Variants in ZZEF1 observed in about 807,000 individuals in gnomAD.
ZZEF1 encodes the protein zinc finger ZZ-type and EF-hand domain-containing protein 1.
ZZEF1 carries 157 observed loss-of-function variants against 342.8 expected under a neutral mutation model. That is an observed-to-expected ratio of 0.46 (90% CI 0.40 to 0.52). The LOEUF is 0.52. ZZEF1 is among the 20% of genes least tolerant of loss of function. The pLI, the probability that ZZEF1 is intolerant of heterozygous loss-of-function variation, is 0.00. For synonymous variants in ZZEF1, 1,505 were observed against 1,429.1 expected, an observed-to-expected ratio of 1.05 and a Z score of -1.20; for missense variants, 3,480 against 3,725.6, an observed-to-expected ratio of 0.93 and a Z score of 1.72.
chr17:4,064,614 G>A lies in ZZEF1; in HGVS notation c.4465C>T (p.Pro1489Ser), dbSNP rs771594817. The change falls in exon 29 of 55, where the codon CCT becomes TCT. Residue 1489 changes from proline (P) to serine (S), a missense_variant. Coordinates refer to ENST00000381638, the MANE Select transcript of ZZEF1 (RefSeq NM_015113.4). ...AGCTTTGGCTGGGTGCCCAGGCCAGGACTCTGGTCTCCTGTGGCAGGGGGT... is the reference window on the plus strand; with the variant it reads ...AGCTTTGGCTGGGTGCCCAGGCCAGAACTCTGGTCTCCTGTGGCAGGGGGT... The part of the protein sequence containing the change: ...AAPPATGDQS[P>S]GLGTQPKLPS... 1 of 1,614,162 alleles carries A rather than the reference G, an allele frequency of 6.2e-7. No homozygotes were observed. Among genetic ancestry groups the A allele is most frequent in the Non-Finnish European group, 8.5e-7 (1 of 1,180,030 alleles).
At chr17:4,052,176 G>C in intron 34 of ZZEF1, 40 bp from the exon 35 acceptor site, 1 of 1,560,096 alleles carries the variant, frequency 6.4e-7, no homozygotes, top group Non-Finnish European at 8.7e-7. Flanking sequence ...TGAGGTAGAG[G>C]GCTCCTAGAT....
chr17:4,015,728 C>T (rs2056082724), intron 49 of ZZEF1, among the ~76,000 whole-genome samples: 1 of 152,182 alleles, frequency 6.6e-6, no homozygotes, highest in South Asian at 2.1e-4. Flanking sequence ...CACACCACTG[C>T]ACTGCAGCCT....
At chr17:4,082,111 G>A (rs2057734724) in intron 17 of ZZEF1, among the ~76,000 whole-genome samples, 1 of 152,148 alleles carries the variant, frequency 6.6e-6, no homozygotes, top group South Asian at 2.1e-4. Flanking sequence ...CTGGGCTTCT[G>A]TAGCTGGTTT....
rs1168846552 is a variant in ZZEF1, at chr17:4,112,781, A to G, written c.894T>C (p.Leu298=). The change falls in exon 5 of 55, where the codon CTT becomes CTC. Residue 298 remains leucine (L), a synonymous_variant. Coordinates refer to ENST00000381638, the MANE Select transcript of ZZEF1 (RefSeq NM_015113.4). ...IRLKMKPDVV[L]RHLSIAVAAT... is the part of the protein sequence containing the mutation. ...CAGCCACTGCAATGGACAGGTGCCTAAGCACAACATCTGGCTTCATTTTTA... is the reference window on the plus strand; with the variant it reads ...CAGCCACTGCAATGGACAGGTGCCTGAGCACAACATCTGGCTTCATTTTTA... 2 of 1,590,336 alleles carry G rather than the reference A, an allele frequency of 1.3e-6. No homozygotes were observed. The highest frequency in any genetic ancestry group is 2.7e-5 in the African/African-American group (2 of 74,144).
At position 4,070,844 on chromosome 17, in the gene ZZEF1, C is replaced by G; in HGVS notation, c.3915G>C (p.Gly1305=). ...ATCCTTTGAAAAGTTCTGAATATGG[C>G]CCACAGAAGTTCTGAGCAGGCTCTG... ...AQSEPAQNFC[G]PYSELFKGFI... Residue 1305 remains glycine (G), a synonymous_variant, in exon 26 of 55, where the codon GGG becomes GGC. Coordinates refer to ENST00000381638, the MANE Select transcript of ZZEF1 (RefSeq NM_015113.4). 1 of 1,614,012 alleles carries G rather than the reference C, an allele frequency of 6.2e-7. No individual in the cohort carries two copies.
chr17:4,033,265 T>C (rs1226127060), intron 40 of ZZEF1: 3 of 369,542 alleles, frequency 8.1e-6, no homozygotes, highest in Non-Finnish European at 1.5e-5. Flanking sequence ...TGCACACTCA[T>C]ATTCAAACAC....
At position 4,017,965 on chromosome 17, in the gene ZZEF1, A is replaced by T. The variant is rs745907026; in HGVS notation, c.7512T>A (p.Asp2504Glu). The T allele has an allele frequency of 6.2e-7, 1 of 1,613,436 alleles. No homozygotes were observed. Among genetic ancestry groups the T allele is most frequent in the Admixed American group, 1.7e-5 (1 of 60,020 alleles). ...TTTCATCTGTGGTGAGCTCATCACCATCAAACCTGCAGAAGGGCAGCACAA... is the reference window on the plus strand; with the variant it reads ...TTTCATCTGTGGTGAGCTCATCACCTTCAAACCTGCAGAAGGGCAGCACAA... ...YFFLEVQKRF[D>E]GDELTTDERI... Residue 2504 changes from aspartate to glutamate, a missense_variant, in exon 47 of 55, where the codon GAT becomes GAA. Asp to Glu is a conservative substitution (Grantham distance 45). Coordinates refer to ENST00000381638, the MANE Select transcript of ZZEF1 (RefSeq NM_015113.4). The surrounding 1 kb of genome is among the most constrained non-coding windows in gnomAD (Gnocchi z 5.1).
intron 38 of ZZEF1, 31 bp downstream of exon 38, chr17:4,044,191 AAG>A: frequency 6.2e-7 from 1 of 1,609,498 alleles, no homozygotes. Context: ...TTTAAGATGA[AAG>A]AGATGAAGAT....
chr17:4,052,618 G>C (rs1310549715), intron 34 of ZZEF1, among the ~76,000 whole-genome samples: 2 of 152,232 alleles, frequency 1.3e-5, no homozygotes, highest in Non-Finnish European at 2.9e-5. Context: ...TGTAATCCCA[G>C]CACTTTGGGA....
intron 33 of ZZEF1, 72 bp from the exon 34 acceptor site, chr17:4,054,267 C>T (rs1190763727): frequency 2.0e-6 from 3 of 1,502,646 alleles, no homozygotes; most frequent in African/African-American, 1.4e-5. Context: ...TCAATTCCTC[C>T]ATTCACTAGG....
intron 41 of ZZEF1, 91 bp from the exon 42 acceptor site, chr17:4,032,349 C>T (rs941464892): frequency 4.2e-5 from 59 of 1,391,752 alleles, no homozygotes; most frequent in Non-Finnish European, 6.8e-6. Context: ...TTTGATTGTG[C>T]CTCTGATTTC....
At chr17:4,052,515 T>A (rs2057071153) in intron 34 of ZZEF1, among the ~76,000 whole-genome samples, 2 of 152,068 alleles carry the variant, frequency 1.3e-5, no homozygotes, top group Non-Finnish European at 1.5e-5. Context: ...GCTCTTCCTT[T>A]TTCACTCCAG....
chr17:4,053,165 G>A (rs2057086698), intron 34 of ZZEF1, among the ~76,000 whole-genome samples: 1 of 152,166 alleles, frequency 6.6e-6, no homozygotes, highest in East Asian at 1.9e-4. Flanking sequence ...CTCTCATCAT[G>A]TTATTAATAA....
At position 4,085,657 on chromosome 17, in the gene ZZEF1, T is replaced by C. The variant is rs1440616082; in HGVS notation, c.2646+13A>G. On this transcript the variant is annotated intron_variant, in intron 16 of 54. Coordinates refer to ENST00000381638, the MANE Select transcript of ZZEF1 (RefSeq NM_015113.4). ...ACTTCAGACATTGAATCCAGACTTT[T>C]AGTAATAATTACCATCATGGTGAAG... The C allele has an allele frequency of 1.2e-6, 2 of 1,613,426 alleles. No homozygotes were observed. The highest frequency in any genetic ancestry group is 1.1e-5 in the South Asian group (1 of 90,936).
At chr17:4,007,503 G>A (rs1032051390) in intron 54 of ZZEF1, among the ~76,000 whole-genome samples, 26 of 152,144 alleles carry the variant, frequency 1.7e-4, no homozygotes, top group Non-Finnish European at 3.2e-4. Context: ...ACACTCAACA[G>A]GCTGTGGGGG....
chr17:4,027,295 T>C (rs1322235859), intron 42 of ZZEF1, among the ~76,000 whole-genome samples: 1 of 133,526 alleles, frequency 7.5e-6, no homozygotes, highest in Non-Finnish European at 1.5e-5. Context: ...ACTTTTTTTT[T>C]TTTTTTTTTT....
At chr17:4,051,279 T>C (rs902234007) in intron 35 of ZZEF1, among the ~76,000 whole-genome samples, 2 of 152,064 alleles carry the variant, frequency 1.3e-5, no homozygotes, top group African/African-American at 4.8e-5. Flanking sequence ...TCTGCAGAAA[T>C]TGGACTAAGG....
At position 4,016,569 on chromosome 17, in the gene ZZEF1, T is replaced by G; in HGVS notation, c.8002-103A>C. On this transcript the variant is annotated intron_variant, in intron 48 of 54. Coordinates refer to ENST00000381638, the MANE Select transcript of ZZEF1 (RefSeq NM_015113.4). This position sits in a 1 kb window ranked among gnomAD's most constrained non-coding sequence, Gnocchi z 4.4. ...TCCACCCAAAGGTGCTGGCATCATC[T>G]TAGACCTAGGACGAGCCTCTGTGAC... The G allele has an allele frequency of 7.1e-7, 1 of 1,408,508 alleles. No homozygotes were observed. Among genetic ancestry groups the G allele is most frequent in the Non-Finnish European group, 9.4e-7 (1 of 1,060,682 alleles). 87.3% of individuals were successfully genotyped at this position (1,408,508 alleles called of 1,614,324 possible).
At chr17:4,130,888 G>C (rs1020424202) in intron 1 of ZZEF1, among the ~76,000 whole-genome samples, 1 of 152,168 alleles carries the variant, frequency 6.6e-6, no homozygotes, top group African/African-American at 2.4e-5. Context: ...CCTACTTCCA[G>C]GGAGAAGAAA....
Sources: gnomAD v4.1 joint callset for allele counts (sites outside exome capture counted in the v4.1 genomes callset) on GRCh38, gnomAD v4.1.1 for gene constraint, Gnocchi (gnomAD v3.1) non-coding constraint, MANE v1.5 for transcripts, NCBI Gene and HGNC (gene_info 2026-07-23, HGNC 2026-07-21) for gene names.